Variants in SHLD2 observed in about 807,000 individuals in gnomAD.
SHLD2 encodes the protein shieldin complex subunit 2.
Under a neutral mutation model 73.2 loss-of-function variants are expected in SHLD2, and 30 were observed. The observed-to-expected ratio is 0.41, with a 90% CI of 0.31 to 0.56. SHLD2 has a LOEUF of 0.56. SHLD2 is among the 20% of genes least tolerant of loss of function. The pLI is 0.28. For synonymous variants in SHLD2, 285 were observed against 370.1 expected (o/e 0.77, Z 2.64); for missense variants, 745 against 1,055.9 (o/e 0.71, Z 4.08).
chr10:87,170,251 T>C (rs1847498405), intron 4 of SHLD2, among the ~76,000 whole-genome samples: 1 of 152,212 alleles, frequency 6.6e-6, no homozygotes, highest in Admixed American at 6.5e-5. Flanking sequence ...CACAAGTTTT[T>C]TGGGGATAGT....
At chr10:87,144,651 G>T (rs1228048141) in intron 2 of SHLD2, among the ~76,000 whole-genome samples, 19 of 114,134 alleles carry the variant, frequency 1.7e-4, no homozygotes, top group Admixed American at 3.3e-4. Context: ...TTTTGAGATG[G>T]TGTCTCGCTT....
At chr10:87,136,485 G>T (rs2484790) in intron 2 of SHLD2, among the ~76,000 whole-genome samples, 1 of 151,544 alleles carries the variant, frequency 6.6e-6, no homozygotes, top group South Asian at 2.1e-4. Flanking sequence ...CTGGGGTGTT[G>T]TTGCTTGTAG....
At chr10:87,106,247 C>G (rs891833198) in intron 2 of SHLD2, among the ~76,000 whole-genome samples, 1 of 152,188 alleles carries the variant, frequency 6.6e-6, no homozygotes, top group Non-Finnish European at 1.5e-5. Context: ...TCAGGTGATC[C>G]ACCCGCCTCA....
intron 3 of SHLD2, among the ~76,000 whole-genome samples, chr10:87,154,762 C>G (rs1257395019): frequency 6.6e-6 from 1 of 151,916 alleles, no homozygotes; most frequent in African/African-American, 2.4e-5. Flanking sequence ...TGTATTAGAG[C>G]AGGAGGAAGT....
rs1321508648 is a variant in SHLD2 at position 87,177,819 on chromosome 10, C to T, written c.2170+1724C>T. On this transcript the variant is annotated intron_variant, in intron 7 of 9. Coordinates refer to ENST00000298786, the MANE Select transcript of SHLD2 (RefSeq NM_001330112.2). Reference sequence around the variant, plus strand: ...CGCCAGCAGAATTTCAGTGCTCAGCCGGAGTGACCCCCTTGAAAGCAAAGT... The same window carrying T: ...CGCCAGCAGAATTTCAGTGCTCAGCTGGAGTGACCCCCTTGAAAGCAAAGT... Among the ~76,000 whole-genome samples the T allele has an allele frequency of 2.0e-5, 3 of 152,260 alleles. No individual in the cohort carries two copies. The East Asian group carries it at 5.8e-4, about 29-fold the overall frequency.
At chr10:87,115,898 A>C (rs2134037580) in intron 2 of SHLD2, among the ~76,000 whole-genome samples, 1 of 152,240 alleles carries the variant, frequency 6.6e-6, no homozygotes, top group South Asian at 2.1e-4. Flanking sequence ...GAGGAGTAGG[A>C]ATTATCATAG....
At chr10:87,108,329 G>A (rs757848084) in intron 2 of SHLD2, among the ~76,000 whole-genome samples, 7 of 152,082 alleles carry the variant, frequency 4.6e-5, no homozygotes, top group Non-Finnish European at 7.4e-5. Context: ...GATTACAGGC[G>A]TGAGCCACTG....
chr10:87,121,145 GAC>G (rs1045943384), intron 2 of SHLD2, among the ~76,000 whole-genome samples: 6 of 152,010 alleles, frequency 3.9e-5, no homozygotes, highest in Non-Finnish European at 8.8e-5. Flanking sequence ...TATTTTTTGA[GAC>G]AGGGTCTTAC....
intron 8 of SHLD2, among the ~76,000 whole-genome samples, chr10:87,181,290 C>T (rs1848298520): frequency 6.7e-6 from 1 of 149,112 alleles, no homozygotes. Flanking sequence ...GAGGCTGAGG[C>T]AGGAGGATTG....
In SHLD2 at chr10:87,190,894, C is replaced by A; in HGVS notation, c.*211C>A. On this transcript the variant is annotated 3_prime_UTR_variant, in exon 10 of 10. Transcript: ENST00000298786. ...TTTTTGTCTTTTGGTTTCTTACTTT[C>A]TCCTGGAGAAATGATCTACCAGTCA... 1.8e-6 allele frequency: 1 copy of A among 563,776 alleles called. No homozygotes were observed. Among genetic ancestry groups the A allele is most frequent in the Non-Finnish European group, 3.1e-6 (1 of 319,012 alleles). 34.9% of individuals were successfully genotyped at this position (563,776 alleles called of 1,614,324 possible).
intron 2 of SHLD2, among the ~76,000 whole-genome samples, chr10:87,127,869 C>T (rs950146452): frequency 2.0e-5 from 3 of 151,972 alleles, no homozygotes; most frequent in African/African-American, 7.3e-5. Flanking sequence ...TTTCTGCCGT[C>T]AGTGTCATGC....
chr10:87,097,962 G>A (rs1475846744), intron 2 of SHLD2, among the ~76,000 whole-genome samples: 1 of 151,870 alleles, frequency 6.6e-6, no homozygotes, highest in Non-Finnish European at 1.5e-5. Flanking sequence ...AAGTTCCACA[G>A]TGTTGGCCAG....
intron 2 of SHLD2, among the ~76,000 whole-genome samples, chr10:87,135,266 GT>G (rs1248980243): frequency 6.6e-6 from 1 of 151,460 alleles, no homozygotes; most frequent in East Asian, 1.9e-4. Flanking sequence ...TTTACCTAAT[GT>G]TTTGGGATCC....
chr10:87,106,185 A>G (rs1589430942), intron 2 of SHLD2, among the ~76,000 whole-genome samples: 1 of 152,250 alleles, frequency 6.6e-6, no homozygotes, highest in East Asian at 1.9e-4. Context: ...TTGTATTTTT[A>G]GTAGAGACGG....
intron 2 of SHLD2, among the ~76,000 whole-genome samples, chr10:87,130,200 G>A (rs193296808): frequency 6.6e-6 from 1 of 152,144 alleles, no homozygotes; most frequent in East Asian, 1.9e-4. Context: ...TTGTTGAGTA[G>A]AGTTCACTCT....
chr10:87,129,692 C>T (rs1469119016), intron 2 of SHLD2, among the ~76,000 whole-genome samples: 1 of 151,816 alleles, frequency 6.6e-6, no homozygotes, highest in Non-Finnish European at 1.5e-5. Flanking sequence ...TCTGTCGTGG[C>T]TCACTACAGC....
At chr10:87,190,297 A>G (rs1848974731) in intron 9 of SHLD2, among the ~76,000 whole-genome samples, 187 bp from the exon 10 acceptor site, 1 of 152,202 alleles carries the variant, frequency 6.6e-6, no homozygotes, top group Non-Finnish European at 1.5e-5. Context: ...GACCTCAAGT[A>G]ATCCGGCTGC....
intron 4 of SHLD2, among the ~76,000 whole-genome samples, chr10:87,163,875 A>G (rs993319715): frequency 7.2e-5 from 11 of 152,064 alleles, no homozygotes; most frequent in African/African-American, 2.2e-4. Flanking sequence ...AGCACAGCAC[A>G]GATGCAGTTA....
intron 2 of SHLD2, among the ~76,000 whole-genome samples, chr10:87,107,863 A>G (rs1842696726): frequency 6.7e-6 from 1 of 149,540 alleles, no homozygotes; most frequent in Admixed American, 6.7e-5. Flanking sequence ...TTTTTTTTTT[A>G]TTTTTAGAGA....
Sources: allele counts gnomAD v4.1 joint callset (sites outside exome capture counted in the v4.1 genomes callset), GRCh38; gene constraint gnomAD v4.1.1; transcripts MANE v1.5; gene names NCBI Gene and HGNC (gene_info 2026-07-23, HGNC 2026-07-21).